Variants in CDH12 observed in about 807,000 individuals in gnomAD.
CDH12 encodes cadherin 12.
A neutral mutation model predicts 74.1 loss-of-function variants in CDH12; 41 were observed. The ratio of observed to expected loss-of-function variants is 0.55; its 90% CI spans 0.43 to 0.72. The LOEUF is 0.72. Among genes scored for constraint, CDH12 ranks in the 30% least tolerant of loss-of-function variants. The probability of loss-of-function intolerance (pLI) is 0.00; values close to 1 mark genes in which losing one functional copy is unlikely to be tolerated. For missense variants in CDH12, 945 were observed against 977.2 expected, an observed-to-expected ratio of 0.97 and a Z score of 0.44; for synonymous variants, 399 against 355.0, an observed-to-expected ratio of 1.12 and a Z score of -1.39.
intron 1 of CDH12, among the ~76,000 whole-genome samples, chr5:22,773,441 G>C (rs1434172584): frequency 6.6e-6 from 1 of 152,100 alleles, no homozygotes; most frequent in Non-Finnish European, 1.5e-5. Context: ...GGGATAACTG[G>C]CTAGCCATAT....
chr5:21,886,704 C>A lies in CDH12; in HGVS notation c.527-31914G>T, dbSNP rs144246470. ...ATAAGCACTTAATCTCTAATTATTC[C>A]ATTTTTCTAATAGATATAATTTTAT... On this transcript the variant is annotated intron_variant, in intron 6 of 14. Coordinates refer to ENST00000382254, the MANE Select transcript of CDH12 (RefSeq NM_004061.5). Among the ~76,000 whole-genome samples, 674 of 151,054 alleles carry A rather than the reference C, an allele frequency of 4.5e-3. 7 individuals carry two copies. Among genetic ancestry groups the A allele is most frequent in the African/African-American group, 0.015 (632 of 41,304 alleles).
intron 3 of CDH12, among the ~76,000 whole-genome samples, chr5:22,251,883 T>C (rs1244001184): frequency 2.0e-5 from 3 of 152,154 alleles, no homozygotes; most frequent in African/African-American, 7.2e-5. Context: ...TGTATTTTCT[T>C]GTGATTAAGA....
chr5:22,316,373 G>A (rs1444129), intron 3 of CDH12, among the ~76,000 whole-genome samples: 81,780 of 151,786 alleles, frequency 0.54, 22,445 homozygotes, highest in Non-Finnish European at 0.6. Context: ...AAAATAAAAA[G>A]TTTGTAGAAG....
intron 1 of CDH12, among the ~76,000 whole-genome samples, chr5:22,756,622 C>G (rs1192560224): frequency 6.6e-6 from 1 of 152,082 alleles, no homozygotes; most frequent in Non-Finnish European, 1.5e-5. Context: ...AAAGCAAACT[C>G]TACTACAAAG....
At chr5:21,946,682 A>G (rs186839413) in intron 6 of CDH12, among the ~76,000 whole-genome samples, 36 of 152,360 alleles carry the variant, frequency 2.4e-4, no homozygotes, top group South Asian at 4.1e-4. Flanking sequence ...TGGTGGTCCC[A>G]TAAGATTATA....
At chr5:22,326,010 C>A (rs1739081079) in intron 3 of CDH12, among the ~76,000 whole-genome samples, 2 of 152,076 alleles carry the variant, frequency 1.3e-5, no homozygotes, top group Admixed American at 1.3e-4. Context: ...TGCATTTGAT[C>A]CTAAAAGGAA....
intron 11 of CDH12, among the ~76,000 whole-genome samples, chr5:21,777,684 T>G (rs1745670003): frequency 6.6e-6 from 1 of 152,134 alleles, no homozygotes; most frequent in Admixed American, 6.5e-5. Flanking sequence ...AGAGACAAGA[T>G]TTCACCATGT....
intron 1 of CDH12, among the ~76,000 whole-genome samples, chr5:22,803,530 T>G (rs2126425104): frequency 6.6e-6 from 1 of 152,288 alleles, no homozygotes; most frequent in South Asian, 2.1e-4. Context: ...TTTTGGTGCT[T>G]AACTGTTGGG....
At chr5:22,683,081 A>G (rs1741581271) in intron 1 of CDH12, among the ~76,000 whole-genome samples, 2 of 152,130 alleles carry the variant, frequency 1.3e-5, no homozygotes, top group African/African-American at 4.8e-5. Flanking sequence ...AACATGATCT[A>G]TTGTTCTCTG....
chr5:22,075,283 G>A (rs1370942869), intron 5 of CDH12, among the ~76,000 whole-genome samples: 2 of 144,158 alleles, frequency 1.4e-5, no homozygotes, highest in African/African-American at 2.6e-5. Context: ...ACACTTGAAG[G>A]GGGAACATCA....
intron 2 of CDH12, among the ~76,000 whole-genome samples, chr5:22,497,638 C>CTTTTTTTTTTT (rs747466944): frequency 1.2e-5 from 1 of 83,232 alleles, no homozygotes; most frequent in Non-Finnish European, 2.1e-5. Context: ...TGTCGAATCT[C>CTTTTTTTTTTT]TTTTTTTTTT....
At chr5:22,265,954 C>T (rs754012746) in intron 3 of CDH12, among the ~76,000 whole-genome samples, 9 of 151,896 alleles carry the variant, frequency 5.9e-5, no homozygotes, top group Non-Finnish European at 1.2e-4. Flanking sequence ...ATTTTTGAAG[C>T]GAGTAAATAA....
chr5:21,982,537 A>G (rs753728934), intron 5 of CDH12, among the ~76,000 whole-genome samples: 6 of 151,804 alleles, frequency 4.0e-5, no homozygotes, highest in Non-Finnish European at 7.4e-5. Context: ...CTATATCCAT[A>G]TATAGAGATC....
chr5:22,047,530 C>G (rs948280336), intron 5 of CDH12, among the ~76,000 whole-genome samples: 2 of 151,716 alleles, frequency 1.3e-5, no homozygotes, highest in Admixed American at 1.3e-4. Flanking sequence ...GTAAACACCC[C>G]CCCCCACATC....
intron 1 of CDH12, among the ~76,000 whole-genome samples, chr5:22,701,961 G>C (rs1403599193): frequency 1.3e-5 from 2 of 152,148 alleles, no homozygotes; most frequent in African/African-American, 2.4e-5. Flanking sequence ...CCATTTAATA[G>C]ACTGACATTT....
intron 5 of CDH12, among the ~76,000 whole-genome samples, chr5:22,009,958 AAG>A (rs1378456991): frequency 6.6e-6 from 1 of 150,414 alleles, no homozygotes; most frequent in Non-Finnish European, 1.5e-5. Context: ...AAAAAAAAAA[AAG>A]AAAAAAAGAA....
chr5:22,097,098 T>A (rs568925332), intron 4 of CDH12, among the ~76,000 whole-genome samples: 1 of 152,132 alleles, frequency 6.6e-6, no homozygotes, highest in Non-Finnish European at 1.5e-5. Context: ...CAGAACCTCC[T>A]CCCTCAGGAG....
At chr5:22,247,588 T>C (rs1329821076) in intron 3 of CDH12, among the ~76,000 whole-genome samples, 1 of 151,848 alleles carries the variant, frequency 6.6e-6, no homozygotes, top group African/African-American at 2.4e-5. Context: ...GGCAGGAGAA[T>C]CGCTTGAACC....
chr5:21,825,889 G>C (rs1202744342), intron 8 of CDH12, among the ~76,000 whole-genome samples: 3 of 152,136 alleles, frequency 2.0e-5, no homozygotes, highest in Non-Finnish European at 4.4e-5. Flanking sequence ...AAAAGATCTG[G>C]ATAAGTGATT....
Sources: allele counts gnomAD v4.1 joint callset (sites outside exome capture counted in the v4.1 genomes callset), GRCh38; gene constraint gnomAD v4.1.1; transcripts MANE v1.5; gene names NCBI Gene and HGNC (gene_info 2026-07-23, HGNC 2026-07-21).